The following TFEB variants were observed in gnomAD, a reference collection of about 807,000 sequenced individuals.
TFEB encodes transcription factor EB.
A neutral mutation model predicts 48.0 loss-of-function variants in TFEB; 12 were observed. That is an observed-to-expected ratio of 0.25 (90% CI 0.16 to 0.40). The LOEUF (loss-of-function observed/expected upper bound fraction) is 0.40. Ranked by LOEUF, TFEB falls within the 10% of genes least tolerant of loss-of-function variation. The pLI, the probability that TFEB is intolerant of heterozygous loss-of-function variation, is 1.00. For synonymous variants in TFEB, 244 were observed against 261.4 expected, an observed-to-expected ratio of 0.93 and a Z score of 0.64; for missense variants, 509 against 640.3, an observed-to-expected ratio of 0.79 and a Z score of 2.21.
At chr6:41,733,958 C>G in intron 1 of TFEB, 1 of 835,772 alleles carries the variant, frequency 1.2e-6, no homozygotes, top group Non-Finnish European at 1.4e-6. Flanking sequence ...GGTGCAGGGG[C>G]CTGAGGCCAC....
rs116064272 is a variant in TFEB, at chr6:41,691,166, C to T, written c.48G>A (p.Ala16=). The T allele has an allele frequency of 5.0e-4, 798 of 1,589,594 alleles. 3 individuals carry two copies. In the African/African-American group the frequency reaches 8.1e-3, roughly 16 times the overall value. The stretch of plus-strand genomic sequence containing the variant: ...TGCGCTCCCGCTGCTCCTCCTGCTG[C>T]GCCTGCTCCCGCATGAGCTGCATGC... ...GLRMQLMREQ[A]QQEEQRERMQ... The change falls in exon 2 of 9, where the codon GCG becomes GCA. Residue 16 remains alanine (A), a synonymous_variant. Coordinates refer to ENST00000373033, the MANE Select transcript of TFEB (RefSeq NM_001271944.2). The surrounding 1 kb of genome is among the most constrained non-coding windows in gnomAD (Gnocchi z 5.2).
At position 41,689,655 on chromosome 6, in the gene TFEB, C is replaced by T. The variant is rs955818409; in HGVS notation, c.549+76G>A. 4.4e-5 allele frequency: 53 copies of T among 1,197,556 alleles called. No individual in the cohort carries two copies. In the African/African-American group the frequency reaches 6.9e-4, roughly 16 times the overall value. 74.2% of individuals were successfully genotyped at this position (1,197,556 alleles called of 1,614,324 possible). ...CCAGTGAGAACCCTGTCTCCACTCTCTCCAGGCTCAGAGCCACAGTGGGTG... is the reference window on the plus strand; with the variant it reads ...CCAGTGAGAACCCTGTCTCCACTCTTTCCAGGCTCAGAGCCACAGTGGGTG... On this transcript the variant is annotated intron_variant, in intron 4 of 8. Transcript: ENST00000373033.
chr6:41,691,428 C>T lies in TFEB; in HGVS notation c.-22-193G>A. On this transcript the variant is annotated intron_variant, in intron 1 of 8. Transcript: ENST00000373033. The surrounding 1 kb of genome is among the most constrained non-coding windows in gnomAD (Gnocchi z 5.2). The stretch of plus-strand genomic sequence containing the variant: ...CAGCTGAGACATGAATCCAAGTTTC[C>T]TGGTTCCTGGACCAAAACTGAAGGT... 1.4e-6 allele frequency: 1 copy of T among 731,462 alleles called. No homozygotes were observed. Among genetic ancestry groups the T allele is most frequent in the Admixed American group, 2.0e-5 (1 of 49,936 alleles). 45.3% of individuals were successfully genotyped at this position (731,462 alleles called of 1,614,324 possible). A position where few individuals can be genotyped will look rare whatever the true frequency, so the allele number is the denominator to read the frequency against.
chr6:41,733,446 A>T (rs1363874989), intron 1 of TFEB: 2 of 229,286 alleles, frequency 8.7e-6, no homozygotes, highest in African/African-American at 4.7e-5. Flanking sequence ...AGGACAAAAT[A>T]ACCCTGCAGC....
rs1338416532 is a variant in TFEB, at chr6:41,723,411, GCTCACACACATGCACACA to G, written c.-23+11921_-23+11938del. ...CACATGGACACACATTCACACACAT[GCTCACACACATGCACACA>G]CTCACACACATGCACGCGTGTGCTC... On this transcript the variant is annotated intron_variant, in intron 1 of 8. Coordinates refer to ENST00000373033, the MANE Select transcript of TFEB (RefSeq NM_001271944.2). The surrounding 1 kb of genome is among the most constrained non-coding windows in gnomAD (Gnocchi z 6.0). The G allele has an allele frequency of 2.7e-6, 3 of 1,117,988 alleles. No homozygotes were observed. The highest frequency in any genetic ancestry group is 1.7e-5 in the African/African-American group (1 of 60,572). 69.3% of individuals were successfully genotyped at this position (1,117,988 alleles called of 1,614,324 possible).
intron 1 of TFEB, chr6:41,733,605 G>A (rs978328335): frequency 1.0e-6 from 1 of 985,454 alleles, no homozygotes. Flanking sequence ...GGAGAGAAGG[G>A]AGCCAGGCGA....
chr6:41,715,924 T>C (rs975083504), intron 1 of TFEB, among the ~76,000 whole-genome samples: 1 of 152,110 alleles, frequency 6.6e-6, no homozygotes, highest in Non-Finnish European at 1.5e-5. Context: ...ACCACTGTCG[T>C]GGTGCCTGGC....
chr6:41,694,903 G>T (rs561009440), intron 1 of TFEB, among the ~76,000 whole-genome samples: 1 of 152,026 alleles, frequency 6.6e-6, no homozygotes. Flanking sequence ...GGAAGGGTTT[G>T]ATGCCCCCAG....
At position 41,691,031 on chromosome 6, in the gene TFEB, C is replaced by T. The variant is rs758114843; in HGVS notation, c.183G>A (p.Ser61=). The change falls in exon 2 of 9, where the codon TCG becomes TCA. Residue 61 remains serine (S), a synonymous_variant. Transcript: ENST00000373033. The surrounding 1 kb of genome is among the most constrained non-coding windows in gnomAD (Gnocchi z 5.2). The part of the protein sequence containing the change: ...PAINTPVHFQ[S]PPPVPGEVLK... ...ACACCTCCCCAGGCACAGGTGGTGG[C>T]GACTGGAAGTGGACGGGGGTATTGA... 1.5e-5 allele frequency: 23 copies of T among 1,573,830 alleles called. No individual in the cohort carries two copies. The highest frequency in any genetic ancestry group is 5.8e-5 in the South Asian group (5 of 86,506).
chr6:41,726,803 T>C lies in TFEB; in HGVS notation c.-23+8547A>G, dbSNP rs545699007. 3.3e-5 allele frequency among the ~76,000 whole-genome samples: 5 copies of C among 152,362 alleles called. No homozygotes were observed. In the East Asian group the frequency reaches 9.6e-4, roughly 29 times the overall value. ...TATGTTTATGCTTTTTAAGCAACTA[T>C]GCTATATTTCACAATTTTAAAAGAA... On this transcript the variant is annotated intron_variant, in intron 1 of 8. Transcript: ENST00000373033.
At chr6:41,732,083 G>T (rs151271988) in intron 1 of TFEB, among the ~76,000 whole-genome samples, 1 of 151,914 alleles carries the variant, frequency 6.6e-6, no homozygotes, top group Non-Finnish European at 1.5e-5. Flanking sequence ...TCCAGGTCTC[G>T]CTATGTTGCC....
intron 1 of TFEB, among the ~76,000 whole-genome samples, chr6:41,711,574 T>C (rs1235388663): frequency 6.6e-6 from 1 of 152,074 alleles, no homozygotes; most frequent in Non-Finnish European, 1.5e-5. Flanking sequence ...ACTGCAGAAT[T>C]CCCTGTCCCT....
chr6:41,710,072 T>C (rs139992963), intron 1 of TFEB, among the ~76,000 whole-genome samples: 1 of 152,316 alleles, frequency 6.6e-6, no homozygotes, highest in East Asian at 1.9e-4. Context: ...TTCCACTAAA[T>C]TTATAAACGA....
intron 1 of TFEB, among the ~76,000 whole-genome samples, chr6:41,729,775 A>G (rs58249770): frequency 0.017 from 2,530 of 152,314 alleles, 57 homozygotes; most frequent in African/African-American, 0.054. Flanking sequence ...GGGGACACCA[A>G]ATTTTCTCAG....
chr6:41,728,506 G>A (rs1771307274), intron 1 of TFEB, among the ~76,000 whole-genome samples: 1 of 152,198 alleles, frequency 6.6e-6, no homozygotes, highest in African/African-American at 2.4e-5. Flanking sequence ...GGGGTGGACA[G>A]TATAGTGTGT....
chr6:41,719,964 G>A (rs1367545666), intron 1 of TFEB, among the ~76,000 whole-genome samples: 1 of 152,190 alleles, frequency 6.6e-6, no homozygotes, highest in Non-Finnish European at 1.5e-5. Context: ...GCATTCGGTT[G>A]TTGTATAAAG....
chr6:41,713,556 A>G (rs779949457), intron 1 of TFEB, among the ~76,000 whole-genome samples: 2 of 152,158 alleles, frequency 1.3e-5, no homozygotes, highest in Non-Finnish European at 2.9e-5. Context: ...GTCAGGCTGC[A>G]GGGAAGGGCA....
In TFEB at chr6:41,734,727, G is replaced by A. The variant is rs1024064338; in HGVS notation, c.-23+623C>T. 1.3e-5 allele frequency among the ~76,000 whole-genome samples: 2 copies of A among 151,986 alleles called. No homozygotes were observed. Among genetic ancestry groups the A allele is most frequent in the Admixed American group, 6.5e-5 (1 of 15,276 alleles). ...CTGCCCAGGGACTCGAGGGGACGGG[G>A]CCAGGGGCGGCTTCTTCAAGAGACC... On this transcript the variant is annotated intron_variant, in intron 1 of 8. Transcript: ENST00000373033. This position sits in a 1 kb window ranked among gnomAD's most constrained non-coding sequence, Gnocchi z 4.0.
At chr6:41,729,233 C>T (rs1771352996) in intron 1 of TFEB, among the ~76,000 whole-genome samples, 1 of 152,118 alleles carries the variant, frequency 6.6e-6, no homozygotes, top group Non-Finnish European at 1.5e-5. Context: ...CCAGGCTCTC[C>T]CAACCATCCA....
Sources: allele counts gnomAD v4.1 joint callset (sites outside exome capture counted in the v4.1 genomes callset), GRCh38; gene constraint gnomAD v4.1.1; non-coding constraint Gnocchi (gnomAD v3.1); transcripts MANE v1.5; gene names NCBI Gene and HGNC (gene_info 2026-07-23, HGNC 2026-07-21).